SFMBT1: variants seen among roughly 807,000 people sequenced by gnomAD.
SFMBT1 encodes the protein scm-like with four MBT domains protein 1.
In SFMBT1, 32 loss-of-function variants were observed where a neutral mutation model predicts 108.7. The observed-to-expected ratio is 0.29, with a 90% CI of 0.22 to 0.40. The LOEUF (loss-of-function observed/expected upper bound fraction) is 0.40, where lower values mean the gene tolerates loss of function less well. SFMBT1 is among the 10% of genes least tolerant of loss of function. The pLI is 1.00. For missense variants in SFMBT1, 816 were observed against 1,059.6 expected (o/e 0.77, Z 3.19); for synonymous variants, 348 against 369.5 (o/e 0.94, Z 0.67).
chr3:52,908,124 A>G (rs1016580681), intron 17 of SFMBT1, among the ~76,000 whole-genome samples: 2 of 131,334 alleles, frequency 1.5e-5, no homozygotes, highest in Non-Finnish European at 3.1e-5. Context: ...GCCAGGCTGG[A>G]GTGGAGTGGC....
intron 1 of SFMBT1, among the ~76,000 whole-genome samples, chr3:52,984,522 C>T (rs1031233000): frequency 6.6e-6 from 1 of 151,950 alleles, no homozygotes; most frequent in Admixed American, 6.6e-5. Flanking sequence ...ATTTATGCTG[C>T]CTTGTTTTTT....
In SFMBT1 at chr3:52,926,254, T is replaced by C. The variant is rs1702654403; in HGVS notation, c.1049-141A>G. The stretch of plus-strand genomic sequence containing the variant: ...GATCATTTTAGAGGGGCGAAAAGCA[T>C]TCTATAAATCTAGAGCACTGTTAAT... On this transcript the variant is annotated intron_variant, in intron 9 of 20. Transcript: ENST00000394752. 55 of 672,114 alleles carry C rather than the reference T, an allele frequency of 8.2e-5. No individual in the cohort carries two copies. In the South Asian group the frequency reaches 1.0e-3, roughly 13 times the overall value. The allele number at this position is 672,114 out of a possible 1,614,324, so 41.6% of individuals were successfully genotyped here.
At chr3:52,923,218 G>T (rs576826312) in intron 10 of SFMBT1, among the ~76,000 whole-genome samples, 1 of 152,208 alleles carries the variant, frequency 6.6e-6, no homozygotes, top group East Asian at 1.9e-4. Context: ...GTGTGTGGGG[G>T]GTGGATTAAT....
intron 1 of SFMBT1, among the ~76,000 whole-genome samples, chr3:53,011,037 T>C (rs969017128): frequency 6.6e-6 from 1 of 152,144 alleles, no homozygotes; most frequent in Admixed American, 6.6e-5. Context: ...GGTGGCCCAA[T>C]AGGAAGCTCA....
At chr3:52,907,831 T>C in intron 17 of SFMBT1, 98 bp from the exon 18 acceptor site, 1 of 1,087,376 alleles carries the variant, frequency 9.2e-7, no homozygotes, top group Middle Eastern at 2.8e-4. Flanking sequence ...AACAGGTACA[T>C]TGTATTTGAT....
At chr3:53,001,372 A>C (rs1698541884) in intron 1 of SFMBT1, among the ~76,000 whole-genome samples, 1 of 150,290 alleles carries the variant, frequency 6.7e-6, no homozygotes, top group Non-Finnish European at 1.5e-5. Context: ...TCAAGGCTGC[A>C]GTGAGCCATG....
chr3:53,043,711 A>C (rs1700126255), intron 1 of SFMBT1, among the ~76,000 whole-genome samples: 1 of 152,234 alleles, frequency 6.6e-6, no homozygotes, highest in African/African-American at 2.4e-5. Context: ...TATTGCCCCC[A>C]CTGAAAAGTG....
At chr3:52,910,138 T>C (rs1054984516) in intron 17 of SFMBT1, among the ~76,000 whole-genome samples, 1 of 152,132 alleles carries the variant, frequency 6.6e-6, no homozygotes, top group African/African-American at 2.4e-5. Flanking sequence ...CTATTTTGCT[T>C]GCCCACCTTG....
chr3:52,975,633 C>T (rs1194057635), intron 1 of SFMBT1, among the ~76,000 whole-genome samples: 1 of 152,154 alleles, frequency 6.6e-6, no homozygotes, highest in Non-Finnish European at 1.5e-5. Context: ...AGACAGTCTA[C>T]TTCTGTTACC....
intron 1 of SFMBT1, among the ~76,000 whole-genome samples, chr3:53,031,980 A>C (rs1026555865): frequency 1.3e-5 from 2 of 152,236 alleles, no homozygotes; most frequent in Non-Finnish European, 2.9e-5. Flanking sequence ...ATCAATGGTG[A>C]GAAAAAAGTG....
chr3:53,029,148 G>C (rs1479677944), intron 1 of SFMBT1, among the ~76,000 whole-genome samples: 1 of 147,744 alleles, frequency 6.8e-6, no homozygotes, highest in Non-Finnish European at 1.5e-5. Flanking sequence ...CTCCAGCCTG[G>C]GCGACAGAGC....
chr3:52,921,118 A>G (rs1487171596), intron 11 of SFMBT1, among the ~76,000 whole-genome samples: 2 of 152,244 alleles, frequency 1.3e-5, no homozygotes, highest in Non-Finnish European at 1.5e-5. Context: ...ATAAAAGTCT[A>G]CATTCGATAT....
At chr3:52,924,431 C>G (rs959988400) in intron 10 of SFMBT1, among the ~76,000 whole-genome samples, 1 of 152,046 alleles carries the variant, frequency 6.6e-6, no homozygotes, top group Non-Finnish European at 1.5e-5. Flanking sequence ...CATCTGAGGT[C>G]AGGAGTTTGA....
At chr3:53,015,369 T>G (rs1250432870) in intron 1 of SFMBT1, among the ~76,000 whole-genome samples, 2 of 152,080 alleles carry the variant, frequency 1.3e-5, no homozygotes, top group African/African-American at 4.8e-5. Flanking sequence ...AAAAAACAGT[T>G]TGGCAGTTCT....
intron 2 of SFMBT1, among the ~76,000 whole-genome samples, chr3:52,959,743 T>G (rs1176784973): frequency 6.6e-6 from 1 of 152,188 alleles, no homozygotes; most frequent in Non-Finnish European, 1.5e-5. Context: ...GTCAGGAATT[T>G]GCCACCTAGA....
intron 1 of SFMBT1, among the ~76,000 whole-genome samples, chr3:52,971,226 C>T (rs189927699): frequency 9.9e-5 from 15 of 152,004 alleles, no homozygotes; most frequent in East Asian, 3.9e-4. Context: ...GATACGCTAC[C>T]GTATTATGTC....
rs1351743008 is a variant in SFMBT1 at position 52,944,241 on chromosome 3, A to G, written c.124-648T>C. 2.0e-5 allele frequency among the ~76,000 whole-genome samples: 3 copies of G among 152,242 alleles called. No individual in the cohort carries two copies. In the East Asian group the frequency reaches 5.8e-4, roughly 29 times the overall value. On this transcript the variant is annotated intron_variant, in intron 3 of 20. Coordinates refer to ENST00000394752, the MANE Select transcript of SFMBT1 (RefSeq NM_016329.4). ...AATAATAAGAGCCAGGTTTCTCACCATGGGAAAAAGAAGTGACAAATAAGC... is the reference window on the plus strand; with the variant it reads ...AATAATAAGAGCCAGGTTTCTCACCGTGGGAAAAAGAAGTGACAAATAAGC...
intron 1 of SFMBT1, among the ~76,000 whole-genome samples, chr3:53,010,071 T>G (rs1369384573): frequency 6.6e-6 from 1 of 152,124 alleles, no homozygotes; most frequent in African/African-American, 2.4e-5. Flanking sequence ...ATGTAGCAGC[T>G]ACAGAGATTT....
chr3:52,924,676 C>T (rs1300557496), intron 10 of SFMBT1, among the ~76,000 whole-genome samples: 2 of 151,308 alleles, frequency 1.3e-5, no homozygotes, highest in African/African-American at 4.9e-5. Flanking sequence ...ACAACAACAA[C>T]AACAACAAAA....
Sources: allele counts gnomAD v4.1 joint callset (sites outside exome capture counted in the v4.1 genomes callset), GRCh38; gene constraint gnomAD v4.1.1; transcripts MANE v1.5; gene names NCBI Gene and HGNC (gene_info 2026-07-23, HGNC 2026-07-21).